MACROD2: variants seen among roughly 807,000 people sequenced by gnomAD.
The protein encoded by MACROD2 is ADP-ribose glycohydrolase MACROD2.
MACROD2 carries 36 observed loss-of-function variants against 70.4 expected under a neutral mutation model. The observed-to-expected ratio is 0.51, with a 90% CI of 0.39 to 0.68. The LOEUF is 0.68. Ranked by LOEUF, MACROD2 falls within the 30% of genes least tolerant of loss-of-function variation. MACROD2 has a pLI of 0.00. For missense variants in MACROD2, 496 were observed against 538.4 expected, an observed-to-expected ratio of 0.92 and a Z score of 0.78; for synonymous variants, 172 against 178.8, an observed-to-expected ratio of 0.96 and a Z score of 0.30.
At chr20:14,441,246 CTAGTCCAGCCTCCTGGAGGATG>C (rs1473846047) in intron 3 of MACROD2, among the ~76,000 whole-genome samples, 3 of 152,164 alleles carry the variant, frequency 2.0e-5, no homozygotes, top group Non-Finnish European at 2.9e-5. Context: ...GTAAAGAAGT[CTAGTCCAGCCTCCTGGAGGATG>C]AGAGGCCATG....
At chr20:14,412,347 G>A (rs2083759081) in intron 3 of MACROD2, among the ~76,000 whole-genome samples, 1 of 152,162 alleles carries the variant, frequency 6.6e-6, no homozygotes, top group African/African-American at 2.4e-5. Flanking sequence ...AAGATGTCAT[G>A]TTGGCCTTAA....
chr20:14,590,431 T>C (rs1981686837), intron 4 of MACROD2, among the ~76,000 whole-genome samples: 1 of 152,148 alleles, frequency 6.6e-6, no homozygotes, highest in Non-Finnish European at 1.5e-5. Flanking sequence ...AAAGAAGAGA[T>C]TATGATGCTG....
chr20:15,441,300 C>T (rs1486657185), intron 7 of MACROD2, among the ~76,000 whole-genome samples: 1 of 152,088 alleles, frequency 6.6e-6, no homozygotes, highest in Non-Finnish European at 1.5e-5. Flanking sequence ...AACTAAGAAC[C>T]CAAAGGACTA....
At chr20:14,538,112 T>G (rs147196764) in intron 4 of MACROD2, among the ~76,000 whole-genome samples, 13 of 152,336 alleles carry the variant, frequency 8.5e-5, no homozygotes, top group African/African-American at 3.1e-4. Flanking sequence ...GGGGATACTA[T>G]AATATAATGA....
intron 5 of MACROD2, among the ~76,000 whole-genome samples, chr20:14,751,926 G>T (rs974489479): frequency 4.6e-5 from 7 of 151,972 alleles, no homozygotes; most frequent in Non-Finnish European, 8.8e-5. Context: ...GAGTAGCAAT[G>T]AGTACTATAG....
chr20:15,879,275 A>G (rs1016959768), intron 9 of MACROD2, among the ~76,000 whole-genome samples: 56 of 152,110 alleles, frequency 3.7e-4, no homozygotes, highest in African/African-American at 1.3e-3. Context: ...TCAGTCTCCT[A>G]ACTACTTTCA....
chr20:15,401,273 T>C (rs7266435), intron 6 of MACROD2, among the ~76,000 whole-genome samples: 1,657 of 151,308 alleles, frequency 0.011, 41 homozygotes, highest in African/African-American at 0.038. Context: ...CTCCTGACCT[T>C]GTGATCCGCC....
intron 7 of MACROD2, among the ~76,000 whole-genome samples, chr20:15,451,663 G>A (rs1452375272): frequency 6.6e-6 from 1 of 152,062 alleles, no homozygotes; most frequent in East Asian, 1.9e-4. Flanking sequence ...GTTGGCTGCA[G>A]CAAGGGGCAC....
intron 12 of MACROD2, among the ~76,000 whole-genome samples, chr20:15,943,318 G>T (rs773695613): frequency 2.0e-5 from 3 of 152,116 alleles, no homozygotes; most frequent in Non-Finnish European, 4.4e-5. Flanking sequence ...ACAAAACCAA[G>T]GCCACCAATG....
In MACROD2 at chr20:14,282,565, C is replaced by T. The variant is rs145632082; in HGVS notation, c.271+196837C>T. Among the ~76,000 whole-genome samples, 85 of 152,222 alleles carry T rather than the reference C, an allele frequency of 5.6e-4. No individual in the cohort carries two copies. The East Asian group carries it at 0.014, about 26-fold the overall frequency. On this transcript the variant is annotated intron_variant, in intron 3 of 17. Transcript: ENST00000684519. Reference sequence around the variant, plus strand: ...CATCAATGTTTTAAAGGCTTGTATTCGGCCATTCTTGGATTGCTTTAAATA... The same window carrying T: ...CATCAATGTTTTAAAGGCTTGTATTTGGCCATTCTTGGATTGCTTTAAATA...
intron 13 of MACROD2, among the ~76,000 whole-genome samples, chr20:15,976,934 A>G (rs142519132): frequency 1.6e-3 from 238 of 152,274 alleles, no homozygotes; most frequent in African/African-American, 5.2e-3. Context: ...GTGTTCATCA[A>G]CAGACTCAGG....
intron 6 of MACROD2, among the ~76,000 whole-genome samples, chr20:15,372,082 A>G (rs1021014423): frequency 6.6e-6 from 1 of 152,192 alleles, no homozygotes; most frequent in African/African-American, 2.4e-5. Flanking sequence ...TGCCTGATGC[A>G]GTTCTATATT....
At chr20:14,842,112 A>G (rs1315702942) in intron 5 of MACROD2, among the ~76,000 whole-genome samples, 2 of 152,122 alleles carry the variant, frequency 1.3e-5, no homozygotes, top group African/African-American at 4.8e-5. Flanking sequence ...TTCTTGCTGC[A>G]TCATGGCATG....
At chr20:15,671,658 T>C (rs565682989) in intron 8 of MACROD2, among the ~76,000 whole-genome samples, 1 of 152,232 alleles carries the variant, frequency 6.6e-6, no homozygotes, top group South Asian at 2.1e-4. Flanking sequence ...CCAAGTGACA[T>C]CTAGAGACTC....
intron 5 of MACROD2, among the ~76,000 whole-genome samples, chr20:14,856,990 A>C (rs2073261729): frequency 6.6e-6 from 1 of 152,098 alleles, no homozygotes; most frequent in Non-Finnish European, 1.5e-5. Context: ...TAATTACATA[A>C]GAATATTAAA....
rs565556890 is a variant in MACROD2, at chr20:15,678,391, G to C, written c.645+178544G>C. On this transcript the variant is annotated intron_variant, in intron 8 of 17. Transcript: ENST00000684519. Reference sequence around the variant, plus strand: ...TTTTTTTTTTTTGAGACGGAGTCTCGCTCTGTAGCCCAGGCTGGAGTGCAG... The same window carrying C: ...TTTTTTTTTTTTGAGACGGAGTCTCCCTCTGTAGCCCAGGCTGGAGTGCAG... 6.7e-4 allele frequency among the ~76,000 whole-genome samples: 101 copies of C among 149,952 alleles called. 2 individuals carry two copies. Among genetic ancestry groups the C allele is most frequent in the Admixed American group, 1.2e-3 (18 of 15,056 alleles).
intron 8 of MACROD2, among the ~76,000 whole-genome samples, chr20:15,670,741 A>T (rs1483595309): frequency 6.6e-6 from 1 of 152,214 alleles, no homozygotes; most frequent in African/African-American, 2.4e-5. Flanking sequence ...AATATATTGA[A>T]TATCATATTC....
intron 5 of MACROD2, among the ~76,000 whole-genome samples, chr20:14,847,610 T>C (rs1208145228): frequency 6.6e-6 from 1 of 151,246 alleles, no homozygotes; most frequent in Non-Finnish European, 1.5e-5. Context: ...GTAGAATGAT[T>C]AGCATTTCTT....
intron 5 of MACROD2, among the ~76,000 whole-genome samples, chr20:14,946,292 A>G (rs1427940655): frequency 6.6e-6 from 1 of 152,164 alleles, no homozygotes; most frequent in Non-Finnish European, 1.5e-5. Flanking sequence ...TTCTCAAAGT[A>G]TGTTTCTTTA....
Sources: allele counts gnomAD v4.1 joint callset (sites outside exome capture counted in the v4.1 genomes callset), GRCh38; gene constraint gnomAD v4.1.1; transcripts MANE v1.5; gene names NCBI Gene and HGNC (gene_info 2026-07-23, HGNC 2026-07-21).